The following MTUS2 variants were observed in gnomAD, a reference collection of about 807,000 sequenced individuals.
The protein encoded by MTUS2 is microtubule-associated tumor suppressor candidate 2.
Under a neutral mutation model 114.1 loss-of-function variants are expected in MTUS2, and 40 were observed. The ratio of observed to expected loss-of-function variants is 0.35; its 90% CI spans 0.27 to 0.46. The LOEUF is 0.46. Among genes scored for constraint, MTUS2 ranks in the 20% least tolerant of loss-of-function variants. MTUS2 has a pLI of 1.00. For synonymous variants in MTUS2, 688 were observed against 672.0 expected (o/e 1.02, Z -0.37); for missense variants, 1,679 against 1,705.4 (o/e 0.98, Z 0.27).
intron 2 of MTUS2, among the ~76,000 whole-genome samples, chr13:29,023,328 AT>A (rs1177392390): frequency 2.0e-5 from 3 of 152,184 alleles, no homozygotes; most frequent in African/African-American, 7.2e-5. Flanking sequence ...AGAGTAAAGC[AT>A]TTCCCCCAAG....
chr13:28,869,338 A>G (rs1877483873), intron 2 of MTUS2, among the ~76,000 whole-genome samples: 1 of 152,224 alleles, frequency 6.6e-6, no homozygotes, highest in Non-Finnish European at 1.5e-5. Flanking sequence ...GGCCTTTTCA[A>G]AGCAGTTAAA....
intron 8 of MTUS2, among the ~76,000 whole-genome samples, chr13:29,382,284 G>C (rs1460474408): frequency 6.6e-6 from 1 of 152,158 alleles, no homozygotes; most frequent in Non-Finnish European, 1.5e-5. Context: ...CTGAGTGGAG[G>C]GTGATCTGAG....
At chr13:29,038,922 G>C (rs991913072) in intron 4 of MTUS2, among the ~76,000 whole-genome samples, 1 of 152,214 alleles carries the variant, frequency 6.6e-6, no homozygotes, top group African/African-American at 2.4e-5. Flanking sequence ...GGCGGGCCTG[G>C]GGTGCCGGGC....
chr13:29,402,209 T>C (rs1355844633), intron 8 of MTUS2, among the ~76,000 whole-genome samples: 1 of 152,140 alleles, frequency 6.6e-6, no homozygotes, highest in Non-Finnish European at 1.5e-5. Context: ...TTTGATGACG[T>C]CACTGTGCTT....
At chr13:29,292,729 T>C (rs1409526317) in intron 6 of MTUS2, among the ~76,000 whole-genome samples, 1 of 152,140 alleles carries the variant, frequency 6.6e-6, no homozygotes, top group African/African-American at 2.4e-5. Context: ...CATTTACTCA[T>C]TTTTTTCATT....
At chr13:29,492,113 G>A (rs887711279) in intron 11 of MTUS2, among the ~76,000 whole-genome samples, 21 of 140,576 alleles carry the variant, frequency 1.5e-4, no homozygotes, top group African/African-American at 6.0e-4. Context: ...GTATGTGTGT[G>A]GTGTGTGTGT....
chr13:29,194,382 TCAAA>T (rs1403277216), intron 5 of MTUS2, among the ~76,000 whole-genome samples: 4 of 149,614 alleles, frequency 2.7e-5, no homozygotes, highest in Non-Finnish European at 6.0e-5. Flanking sequence ...TACAATGAAC[TCAAA>T]CAAATTTACA....
At chr13:28,860,121 G>A (rs1271932629) in intron 2 of MTUS2, among the ~76,000 whole-genome samples, 2 of 152,188 alleles carry the variant, frequency 1.3e-5, no homozygotes, top group African/African-American at 4.8e-5. Context: ...TCTGCAGGGA[G>A]AGCTTCCATT....
chr13:29,487,589 C>T (rs577479109), intron 10 of MTUS2: 5 of 350,582 alleles, frequency 1.4e-5, no homozygotes, highest in South Asian at 3.8e-5. Flanking sequence ...TCGCTCATAG[C>T]GGTGCAAGCG....
At chr13:28,905,406 C>A (rs1192421438) in intron 2 of MTUS2, among the ~76,000 whole-genome samples, 1 of 151,424 alleles carries the variant, frequency 6.6e-6, no homozygotes, top group Non-Finnish European at 1.5e-5. Context: ...ATAGATAGCT[C>A]TTATTATTTT....
chr13:29,263,445 T>C (rs1345301211), intron 5 of MTUS2, among the ~76,000 whole-genome samples: 3 of 152,092 alleles, frequency 2.0e-5, no homozygotes, highest in Non-Finnish European at 4.4e-5. Context: ...TGGGGAGTAG[T>C]GAAATGCGTC....
At chr13:29,033,707 C>T (rs1004657187) in intron 3 of MTUS2, among the ~76,000 whole-genome samples, 178 bp from the exon 4 acceptor site, 3 of 151,856 alleles carry the variant, frequency 2.0e-5, no homozygotes, top group Non-Finnish European at 2.9e-5. Flanking sequence ...AGAGATCATC[C>T]AGTGTGTTAT....
intron 4 of MTUS2, among the ~76,000 whole-genome samples, chr13:29,083,103 C>G (rs1296413799): frequency 6.6e-6 from 1 of 152,136 alleles, no homozygotes; most frequent in Non-Finnish European, 1.5e-5. Flanking sequence ...GGTGCTGATA[C>G]AATCATTAGC....
chr13:29,441,096 A>G (rs1415452995), intron 9 of MTUS2, among the ~76,000 whole-genome samples: 2 of 152,150 alleles, frequency 1.3e-5, no homozygotes, highest in Non-Finnish European at 2.9e-5. Flanking sequence ...TTGTGGGGAA[A>G]CAACAAATAA....
At chr13:29,030,597 A>G (rs1375709439) in intron 3 of MTUS2, among the ~76,000 whole-genome samples, 2 of 152,128 alleles carry the variant, frequency 1.3e-5, no homozygotes, top group African/African-American at 4.8e-5. Flanking sequence ...GTGCAGGGAG[A>G]AAAAACAGCC....
intron 5 of MTUS2, among the ~76,000 whole-genome samples, chr13:29,139,987 G>T (rs549848025): frequency 1.3e-5 from 2 of 152,062 alleles, no homozygotes; most frequent in East Asian, 3.8e-4. Context: ...ACCTTTAATC[G>T]AAACACGAGG....
intron 2 of MTUS2, among the ~76,000 whole-genome samples, chr13:28,896,673 A>G (rs1434036535): frequency 2.0e-5 from 3 of 152,358 alleles, no homozygotes; most frequent in South Asian, 4.1e-4. Flanking sequence ...TACAGTAACC[A>G]AAACAGCATG....
At chr13:28,830,134 G>A (rs1874565377) in intron 1 of MTUS2, among the ~76,000 whole-genome samples, 1 of 152,146 alleles carries the variant, frequency 6.6e-6, no homozygotes, top group African/African-American at 2.4e-5. Flanking sequence ...AATTAGTCTG[G>A]GAAATAGCAA....
intron 5 of MTUS2, among the ~76,000 whole-genome samples, chr13:29,126,858 C>T (rs1454321011): frequency 6.6e-6 from 1 of 152,168 alleles, no homozygotes. Flanking sequence ...CACCAGTTTT[C>T]TCATCAGCAC....
Sources: allele counts gnomAD v4.1 joint callset (sites outside exome capture counted in the v4.1 genomes callset), GRCh38; gene constraint gnomAD v4.1.1; transcripts MANE v1.5; gene names NCBI Gene and HGNC (gene_info 2026-07-23, HGNC 2026-07-21).